DCAF16: variants seen among roughly 807,000 people sequenced by gnomAD.
The protein encoded by DCAF16 is DDB1 and CUL4 associated factor 16, also known as DDB1- and CUL4-associated factor 16.
DCAF16 carries 10 observed loss-of-function variants against 17.3 expected under a neutral mutation model. The ratio of observed to expected loss-of-function variants is 0.58; its 90% CI spans 0.36 to 0.98. DCAF16 has a LOEUF of 0.98. DCAF16 is among the 50% of genes least tolerant of loss of function. The pLI, the probability that DCAF16 is intolerant of heterozygous loss-of-function variation, is 0.01. For synonymous variants in DCAF16, 111 were observed against 92.8 expected (o/e 1.20, Z -1.12); for missense variants, 249 against 247.6 (o/e 1.01, Z -0.04).
the DCAF16 span, among the ~76,000 whole-genome samples, chr4:17,793,572 G>C: frequency 1.3e-5 from 2 of 152,028 alleles, no homozygotes; most frequent in Admixed American, 6.6e-5. Context: ...AAAAGAAGAA[G>C]TACATTGCTG....
rs1719785527 is a variant in DCAF16 at position 17,801,535 on chromosome 4, C to T, written c.*1956G>A. 2 of 152,170 alleles carry T rather than the reference C, an allele frequency of 1.3e-5. No homozygotes were observed. Among genetic ancestry groups the T allele is most frequent in the Non-Finnish European group, 2.9e-5 (2 of 68,036 alleles). 9.4% of individuals were successfully genotyped at this position (152,170 alleles called of 1,614,324 possible). On this transcript the variant is annotated 3_prime_UTR_variant, in exon 3 of 3. Transcript: ENST00000382247. ...GGATATATATATAACTTTTCACAAT[C>T]TCTTTTCTGATTCCCTTTAGATGCC... is the stretch of plus-strand genomic sequence containing the variant.
chr4:17,804,129 T>A lies in DCAF16; in HGVS notation c.13A>T (p.Asn5Tyr). Residue 5 changes from asparagine (N) to tyrosine (Y), a missense_variant, in exon 3 of 3, where the codon AAT becomes TAT. By Grantham distance (143) the Asn-to-Tyr change is moderately radical. Coordinates refer to ENST00000382247, the MANE Select transcript of DCAF16 (RefSeq NM_017741.4). MGPR[N>Y]PSPDHLSESE... ...TCTGACAAGTGGTCAGGAGAGGGATTTCTAGGACCCATCAGAATAAAACAC... is the reference window on the plus strand; with the variant it reads ...TCTGACAAGTGGTCAGGAGAGGGATATCTAGGACCCATCAGAATAAAACAC... 1 of 1,613,112 alleles carries A rather than the reference T, an allele frequency of 6.2e-7. No individual in the cohort carries two copies. Among genetic ancestry groups the A allele is most frequent in the East Asian group, 2.2e-5 (1 of 44,878 alleles).
At chr4:17,805,264 G>A (rs1002332785) in intron 1 of DCAF16, 39 bp from the exon 2 acceptor site, 1 of 151,816 alleles carries the variant, frequency 6.6e-6, no homozygotes, top group Non-Finnish European at 1.5e-5. Flanking sequence ...AAACTGACCA[G>A]CTACTTTTAT....
At chr4:17,797,860 T>G (rs1276553408), downstream of DCAF16, among the ~76,000 whole-genome samples, 2 of 152,106 alleles carry the variant, frequency 1.3e-5, no homozygotes, top group Non-Finnish European at 2.9e-5. Context: ...TACATTGGAG[T>G]GTCAGGTGCC....
At chr4:17,796,190 G>A (rs1719419813), downstream of DCAF16, among the ~76,000 whole-genome samples, 1 of 152,058 alleles carries the variant, frequency 6.6e-6, no homozygotes, top group African/African-American at 2.4e-5. Context: ...TAATCCCCTT[G>A]TTTCAACTTT....
chr4:17,803,498 G>T lies in DCAF16; in HGVS notation c.644C>A (p.Ser215Ter). 6.2e-7 allele frequency: 1 copy of T among 1,613,150 alleles called. No individual in the cohort carries two copies. Residue 215 changes from serine to a stop codon, truncating the protein, a stop_gained, in exon 3 of 3, where the codon TCA becomes TAA. Coordinates refer to ENST00000382247, the MANE Select transcript of DCAF16 (RefSeq NM_017741.4). LOFTEE classifies it high-confidence loss of function. ...AGAGCAAATGGTAGATCTTTACAGTGATGCAGTTAGGAGTTTGTTAACTGC... is the reference window on the plus strand; with the variant it reads ...AGAGCAAATGGTAGATCTTTACAGTTATGCAGTTAGGAGTTTGTTAACTGC... ...QKAVNKLLTA[S>*]L is the part of the protein sequence containing the mutation.
At chr4:17,798,517 G>A (rs1450307028), downstream of DCAF16, among the ~76,000 whole-genome samples, 1 of 151,840 alleles carries the variant, frequency 6.6e-6, no homozygotes, top group Non-Finnish European at 1.5e-5. Context: ...GATGGCTTGA[G>A]CCCAGGAGGT....
intron 1 of DCAF16, among the ~76,000 whole-genome samples, chr4:17,807,352 A>C (rs1284114134): frequency 6.6e-6 from 1 of 152,244 alleles, no homozygotes; most frequent in Non-Finnish European, 1.5e-5. Flanking sequence ...TATCCAAATT[A>C]TAGAAGAGAA....
At position 17,803,598 on chromosome 4, in the gene DCAF16, G is replaced by C. The variant is rs1401381080; in HGVS notation, c.544C>G (p.Leu182Val). 1 of 1,614,062 alleles carries C rather than the reference G, an allele frequency of 6.2e-7. No homozygotes were observed. The highest frequency in any genetic ancestry group is 2.2e-5 in the East Asian group (1 of 44,898). Residue 182 changes from leucine (L) to valine (V), a missense_variant, in exon 3 of 3, where the codon CTG becomes GTG. By Grantham distance (32) the Leu-to-Val change is conservative (BLOSUM62 1). Coordinates refer to ENST00000382247, the MANE Select transcript of DCAF16 (RefSeq NM_017741.4). ...SCVSGCCCGW[L>V]TKTVKETTRT... The stretch of plus-strand genomic sequence containing the variant: ...GTTGTTTCCTTAACTGTTTTAGTCA[G>C]CCAGCCACAGCAACACCCAGAAACA...
At chr4:17,795,093 G>C in the DCAF16 span, among the ~76,000 whole-genome samples, 1 of 152,194 alleles carries the variant, frequency 6.6e-6, no homozygotes, top group African/African-American at 2.4e-5. Context: ...CTGAGACCAT[G>C]CAAGTCTTAA....
intron 1 of DCAF16, chr4:17,809,728 T>G (rs1446837421): frequency 6.6e-6 from 1 of 152,186 alleles, no homozygotes; most frequent in Non-Finnish European, 1.5e-5. Context: ...AAACCCGTAC[T>G]TAATTACATA....
rs1577315252 is a variant in DCAF16, at chr4:17,803,440, A to C, written c.*51T>G. Reference sequence around the variant, plus strand: ...TGGGCTGTGTAATGACTAACTTTGTACCACTTTCTCAATTAGCAACATCAG... The same window carrying C: ...TGGGCTGTGTAATGACTAACTTTGTCCCACTTTCTCAATTAGCAACATCAG... On this transcript the variant is annotated 3_prime_UTR_variant, in exon 3 of 3. Transcript: ENST00000382247. 6.5e-7 allele frequency: 1 copy of C among 1,538,328 alleles called. No individual in the cohort carries two copies. Among genetic ancestry groups the C allele is most frequent in the East Asian group, 2.2e-5 (1 of 44,524 alleles).
the DCAF16 span, among the ~76,000 whole-genome samples, chr4:17,793,908 A>G: frequency 6.6e-6 from 1 of 152,210 alleles, no homozygotes; most frequent in Non-Finnish European, 1.5e-5. Context: ...AATAGATTTG[A>G]TGACAGAGAG....
downstream of DCAF16, among the ~76,000 whole-genome samples, chr4:17,799,999 T>C (rs1719622565): frequency 6.6e-6 from 1 of 152,008 alleles, no homozygotes. Flanking sequence ...AATACAAAAT[T>C]AGCTGGGCGT....
At chr4:17,796,013 T>A (rs1395832007), downstream of DCAF16, among the ~76,000 whole-genome samples, 1 of 152,222 alleles carries the variant, frequency 6.6e-6, no homozygotes, top group Non-Finnish European at 1.5e-5. Context: ...ACTCACATTC[T>A]GTTAATCATT....
At chr4:17,807,473 T>C (rs900575449) in intron 1 of DCAF16, among the ~76,000 whole-genome samples, 1 of 152,184 alleles carries the variant, frequency 6.6e-6, no homozygotes, top group Non-Finnish European at 1.5e-5. Context: ...GCACTGCTGG[T>C]GGGATTGCAG....
chr4:17,801,407 G>C lies in DCAF16; in HGVS notation c.*2084C>G, dbSNP rs1719766841. The C allele has an allele frequency of 6.6e-6, 1 of 152,120 alleles. No individual in the cohort carries two copies. Among genetic ancestry groups the C allele is most frequent in the East Asian group, 1.9e-4 (1 of 5,196 alleles). The allele number at this position is 152,120 out of a possible 1,614,324, so 9.4% of individuals were successfully genotyped here. On this transcript the variant is annotated 3_prime_UTR_variant, in exon 3 of 3. Coordinates refer to ENST00000382247, the MANE Select transcript of DCAF16 (RefSeq NM_017741.4). ...AGCCTCCCAAACTGTTGGGATTACA[G>C]GCATGAGCCACCATGCCTGGCCTGC...
In DCAF16 at chr4:17,804,222, TAA is replaced by T. The variant is rs142804678; in HGVS notation, c.-83_-82del. On this transcript the variant is annotated 5_prime_UTR_variant, in exon 3 of 3. Transcript: ENST00000382247. Reference sequence around the variant, plus strand: ...ACTGACTAACACTGGCAAATAGAAATAAGAGATGAAAAATCCTTTCACCAAGA... The same window carrying T: ...ACTGACTAACACTGGCAAATAGAAATGAGATGAAAAATCCTTTCACCAAGA... The T allele has an allele frequency of 2.5e-3, 3,026 of 1,206,470 alleles. 44 individuals are homozygous for T. In the African/African-American group the frequency reaches 0.038, roughly 15 times the overall value. 74.7% of individuals were successfully genotyped at this position (1,206,470 alleles called of 1,614,324 possible).
chr4:17,804,197 A>G lies in DCAF16; in HGVS notation c.-56T>C, dbSNP rs1720088771. The G allele has an allele frequency of 7.4e-7, 1 of 1,353,214 alleles. No homozygotes were observed. The highest frequency in any genetic ancestry group is 1.5e-5 in the African/African-American group (1 of 66,288). The allele number at this position is 1,353,214 out of a possible 1,614,324, so 83.8% of individuals were successfully genotyped here. On this transcript the variant is annotated 5_prime_UTR_variant, in exon 3 of 3. Transcript: ENST00000382247. ...AGGTAATAATCTAAGCCAGCAGAAC[A>G]CTGACTAACACTGGCAAATAGAAAT... is the stretch of plus-strand genomic sequence containing the variant.
Sources: allele counts gnomAD v4.1 joint callset (sites outside exome capture counted in the v4.1 genomes callset), GRCh38; gene constraint gnomAD v4.1.1; transcripts MANE v1.5; gene names NCBI Gene and HGNC (gene_info 2026-07-23, HGNC 2026-07-21).